The following RRAGD variants were observed in gnomAD, a reference collection of about 807,000 sequenced individuals.
RRAGD encodes the protein Ras related GTP binding D, also known as ras-related GTP-binding protein D.
A neutral mutation model predicts 35.5 loss-of-function variants in RRAGD; 12 were observed. The observed-to-expected ratio is 0.34, with a 90% CI of 0.22 to 0.55. The LOEUF is 0.55. Among genes scored for constraint, RRAGD ranks in the 20% least tolerant of loss-of-function variants. The pLI, the probability that RRAGD is intolerant of heterozygous loss-of-function variation, is 0.91. For synonymous variants in RRAGD, 155 were observed against 178.9 expected, an observed-to-expected ratio of 0.87 and a Z score of 1.07; for missense variants, 324 against 490.1, an observed-to-expected ratio of 0.66 and a Z score of 3.20.
intron 2 of RRAGD, among the ~76,000 whole-genome samples, chr6:89,385,502 A>G (rs1048758902): frequency 3.3e-5 from 5 of 152,126 alleles, no homozygotes; most frequent in Admixed American, 1.3e-4. Context: ...CTTGAGCACT[A>G]AGCTCCCTAA....
At position 89,387,286 on chromosome 6, in the gene RRAGD, G is replaced by C. The variant is rs778743934; in HGVS notation, c.444+9C>G. 1.9e-6 allele frequency: 3 copies of C among 1,611,140 alleles called. No homozygotes were observed. In the East Asian group the frequency reaches 6.7e-5, roughly 36 times the overall value. ...CAGGCCATCATACCCCTGAGACTCT[G>C]AGCTTTACCTGTGAGTCAATGACAA... On this transcript the variant is annotated intron_variant, in intron 2 of 6. Coordinates refer to ENST00000369415, the MANE Select transcript of RRAGD (RefSeq NM_021244.5).
At chr6:89,374,253 TAA>T (rs1768897421) in intron 5 of RRAGD, among the ~76,000 whole-genome samples, 1 of 152,146 alleles carries the variant, frequency 6.6e-6, no homozygotes, top group Non-Finnish European at 1.5e-5. Context: ...ACGATAGGGG[TAA>T]AGTCAGGACC....
At position 89,379,086 on chromosome 6, in the gene RRAGD, C is replaced by A. The variant is rs536297992; in HGVS notation, c.759+138G>T. 101 of 534,010 alleles carry A rather than the reference C, an allele frequency of 1.9e-4. 1 individual carries two copies. The South Asian group carries it at 2.4e-3, about 13-fold the overall frequency. 33.1% of individuals were successfully genotyped at this position (534,010 alleles called of 1,614,324 possible). A position where few individuals can be genotyped will look rare whatever the true frequency, so the allele number is the denominator to read the frequency against. On this transcript the variant is annotated intron_variant, in intron 4 of 6. Transcript: ENST00000369415. ...AAATTTTAAAGGATCTAAAAGAACA[C>A]GTAGGAGTAATCTTTAAAAGTAATA...
chr6:89,386,420 C>A (rs1002991632), intron 2 of RRAGD, among the ~76,000 whole-genome samples: 1 of 152,164 alleles, frequency 6.6e-6, no homozygotes, highest in Non-Finnish European at 1.5e-5. Context: ...TAGAAAAGAA[C>A]CTGATACAGG....
intron 1 of RRAGD, among the ~76,000 whole-genome samples, chr6:89,391,280 G>A (rs556831795): frequency 9.2e-4 from 139 of 151,044 alleles, no homozygotes; most frequent in African/African-American, 3.3e-3. Context: ...AGCTACTCAG[G>A]AGACCAAGGT....
rs79699197 is a variant in RRAGD, at chr6:89,373,773, G to A, written c.903-1188C>T. 2.0e-3 allele frequency among the ~76,000 whole-genome samples: 295 copies of A among 147,072 alleles called. 3 individuals carry two copies. Among genetic ancestry groups the A allele is most frequent in the African/African-American group, 6.8e-3 (270 of 39,652 alleles). On this transcript the variant is annotated intron_variant, in intron 5 of 6. Coordinates refer to ENST00000369415, the MANE Select transcript of RRAGD (RefSeq NM_021244.5). Reference sequence around the variant, plus strand: ...TCTTTGAGCCTCAATTTCCTCATATGTACACTAACAGTAATTATTTCAAAG... The same window carrying A: ...TCTTTGAGCCTCAATTTCCTCATATATACACTAACAGTAATTATTTCAAAG...
Position 89,401,262 on chromosome 6 carries a change from AT to A in RRAGD, c.148+10583del, listed in dbSNP as rs71556519. Reference sequence around the variant, plus strand: ...CTGTCCAGGGGCTTCCCCACAATATATTTTTTTTTTTTTGAGACAGAGTCTT... The same window carrying A: ...CTGTCCAGGGGCTTCCCCACAATATATTTTTTTTTTTTGAGACAGAGTCTT... On this transcript the variant is annotated intron_variant, in intron 1 of 6. Coordinates refer to ENST00000369415, the MANE Select transcript of RRAGD (RefSeq NM_021244.5). Among the ~76,000 whole-genome samples the A allele has an allele frequency of 1.4e-3, 188 of 139,180 alleles. 1 individual carries two copies. The highest frequency in any genetic ancestry group is 2.5e-3 in the East Asian group (9 of 3,562). 91.3% of individuals were successfully genotyped at this position (139,180 alleles called of 152,430 possible). A position where few individuals can be genotyped will look rare whatever the true frequency, so the allele number is the denominator to read the frequency against.
At chr6:89,384,007 G>A (rs1769093207) in intron 2 of RRAGD, among the ~76,000 whole-genome samples, 1 of 151,636 alleles carries the variant, frequency 6.6e-6, no homozygotes, top group South Asian at 2.1e-4. Flanking sequence ...GGAGGCTGAG[G>A]GAGGAGAATC....
At chr6:89,394,134 A>C (rs1048679006) in intron 1 of RRAGD, among the ~76,000 whole-genome samples, 4 of 152,196 alleles carry the variant, frequency 2.6e-5, no homozygotes, top group Non-Finnish European at 2.9e-5. Flanking sequence ...CATTTAACTA[A>C]ATAATAGAGA....
intron 6 of RRAGD, among the ~76,000 whole-genome samples, chr6:89,368,573 C>T (rs1768797522): frequency 1.3e-5 from 2 of 152,222 alleles, no homozygotes; most frequent in South Asian, 4.1e-4. Flanking sequence ...ATGTTTCTCC[C>T]CAAAGGGCAT....
At chr6:89,398,892 A>G (rs1443028333) in intron 1 of RRAGD, among the ~76,000 whole-genome samples, 2 of 152,162 alleles carry the variant, frequency 1.3e-5, no homozygotes, top group African/African-American at 4.8e-5. Context: ...TAATTTGCAT[A>G]TCTCATGATT....
rs761287217 is a variant in RRAGD, at chr6:89,377,712, A to G, written c.861T>C (p.Cys287=). Residue 287 remains cysteine, a synonymous_variant, in exon 5 of 7, where the codon TGT becomes TGC. Coordinates refer to ENST00000369415, the MANE Select transcript of RRAGD (RefSeq NM_021244.5). Reference sequence around the variant, plus strand: ...TGTCAATAACCACATCTATCATATCACAGCAGAGCTCATAGGTTTGCATAT... The same window carrying G: ...TGTCAATAACCACATCTATCATATCGCAGCAGAGCTCATAGGTTTGCATAT... ...PVDMQTYELC[C]DMIDVVIDIS... is the part of the protein sequence containing the mutation. 6.2e-7 allele frequency: 1 copy of G among 1,609,772 alleles called. No homozygotes were observed.
chr6:89,383,455 G>A (rs539568302), intron 2 of RRAGD, among the ~76,000 whole-genome samples: 5 of 152,130 alleles, frequency 3.3e-5, no homozygotes, highest in Admixed American at 6.5e-5. Context: ...TTTTCCCATC[G>A]TTTATTACTT....
chr6:89,380,432 CTT>C, intron 2 of RRAGD, 65 bp from the exon 3 acceptor site: 1 of 1,407,558 alleles, frequency 7.1e-7, no homozygotes, highest in Non-Finnish European at 9.8e-7. Flanking sequence ...CACACACACT[CTT>C]CACCTGGAAA....
At chr6:89,373,617 C>CA (rs55767009) in intron 5 of RRAGD, among the ~76,000 whole-genome samples, 3,134 of 65,260 alleles carry the variant, frequency 0.048, 108 homozygotes, top group African/African-American at 0.12. Context: ...GACTCCGTCT[C>CA]AAAAAAAAAA....
At chr6:89,387,224 C>A in intron 2 of RRAGD, 71 bp downstream of exon 2, 1 of 1,497,350 alleles carries the variant, frequency 6.7e-7, no homozygotes, top group Non-Finnish European at 9.0e-7. Flanking sequence ...GTTTAAAAAC[C>A]AAACCAAAAA....
intron 1 of RRAGD, among the ~76,000 whole-genome samples, chr6:89,403,399 C>T (rs539284421): frequency 1.3e-5 from 2 of 151,732 alleles, no homozygotes; most frequent in South Asian, 2.1e-4. Flanking sequence ...GAGCAGAGAT[C>T]GCGCCACTGC....
intron 3 of RRAGD, 76 bp downstream of exon 3, chr6:89,380,092 A>G (rs1227798290): frequency 4.5e-6 from 6 of 1,327,512 alleles, no homozygotes; most frequent in Non-Finnish European, 6.5e-6. Flanking sequence ...ATGCCAAGCC[A>G]ATCATGGTGA....
At chr6:89,401,282 G>C (rs1356159796) in intron 1 of RRAGD, among the ~76,000 whole-genome samples, 1 of 151,184 alleles carries the variant, frequency 6.6e-6, no homozygotes, top group Non-Finnish European at 1.5e-5. Context: ...TTTTGAGACA[G>C]AGTCTTGCTC....
Sources: gnomAD v4.1 joint callset for allele counts (sites outside exome capture counted in the v4.1 genomes callset) on GRCh38, gnomAD v4.1.1 for gene constraint, MANE v1.5 for transcripts, NCBI Gene and HGNC (gene_info 2026-07-23, HGNC 2026-07-21) for gene names.